The following DMD variants were observed in gnomAD, a reference collection of about 807,000 sequenced individuals.
DMD encodes mutant dystrophin.
In DMD, 63 loss-of-function variants were observed where a neutral mutation model predicts 330.1. That is an observed-to-expected ratio of 0.19 (90% confidence interval 0.16 to 0.24). The LOEUF (loss-of-function observed/expected upper bound fraction) is 0.24. Ranked by LOEUF, DMD falls within the 10% of genes least tolerant of loss-of-function variation. The pLI is 1.00. For synonymous variants in DMD, 1,223 were observed against 959.8 expected, an observed-to-expected ratio of 1.27 and a Z score of -5.07; for missense variants, 3,344 against 2,684.1, an observed-to-expected ratio of 1.25 and a Z score of -5.43.
intron 73 of DMD, 96 bp downstream of exon 73, chrX:31,172,252 G>C: frequency 1.6e-6 from 1 of 623,212 alleles, no homozygotes; most frequent in East Asian, 3.4e-5. Flanking sequence ...AAATGAATAT[G>C]ATGCTAATTC....
intron 62 of DMD, among the ~76,000 whole-genome samples, chrX:31,311,146 T>G (rs779307305): frequency 9.0e-6 from 1 of 110,771 alleles, no homozygotes; most frequent in Non-Finnish European, 1.9e-5. Context: ...AGCTCAAGGC[T>G]TGGGAGAAAT....
At chrX:31,877,162 C>T (rs1013212457) in intron 47 of DMD, among the ~76,000 whole-genome samples, 1 of 111,859 alleles carries the variant, frequency 8.9e-6, no homozygotes, top group African/African-American at 3.2e-5. Flanking sequence ...AGATTGTATA[C>T]GTAAACAATA....
intron 7 of DMD, among the ~76,000 whole-genome samples, chrX:32,772,933 A>G (rs1244032093): frequency 1.8e-5 from 2 of 112,165 alleles, no homozygotes; most frequent in Non-Finnish European, 3.8e-5. Flanking sequence ...AGATAACACC[A>G]CAGACTGTCA....
intron 1 of DMD, among the ~76,000 whole-genome samples, chrX:33,177,454 G>A (rs932763564): frequency 1.8e-5 from 2 of 111,405 alleles, no homozygotes; most frequent in African/African-American, 6.5e-5. Flanking sequence ...GTGCAATCTC[G>A]GCTCACTGCA....
intron 21 of DMD, among the ~76,000 whole-genome samples, chrX:32,473,135 G>A (rs1289535439): frequency 9.0e-6 from 1 of 111,192 alleles, no homozygotes; most frequent in Non-Finnish European, 1.9e-5. Flanking sequence ...GATTGAGAAC[G>A]CTGCAGAGAA....
chrX:31,324,386 T>A (rs2056627068), intron 61 of DMD, among the ~76,000 whole-genome samples: 1 of 99,415 alleles, frequency 1.0e-5, no homozygotes, highest in Non-Finnish European at 2.0e-5. Flanking sequence ...TGAATGATCT[T>A]TGCATTGTTT....
At chrX:32,793,970 C>A (rs1234640331) in intron 7 of DMD, among the ~76,000 whole-genome samples, 1 of 111,430 alleles carries the variant, frequency 9.0e-6, no homozygotes, top group East Asian at 2.8e-4. Context: ...CTGATGAACA[C>A]TGATGTAGAA....
chrX:32,131,224 T>C (rs1213045680), intron 44 of DMD, among the ~76,000 whole-genome samples: 1 of 112,100 alleles, frequency 8.9e-6, no homozygotes, highest in East Asian at 2.8e-4. Flanking sequence ...AAAATTGTTA[T>C]TTTTTAACAT....
intron 43 of DMD, among the ~76,000 whole-genome samples, chrX:32,224,097 A>C (rs2097140065): frequency 9.0e-6 from 1 of 111,412 alleles, no homozygotes. Context: ...CTTTATAATT[A>C]TGAATACACA....
intron 12 of DMD, among the ~76,000 whole-genome samples, chrX:32,610,550 C>T (rs1329065021): frequency 2.7e-5 from 3 of 111,308 alleles, no homozygotes; most frequent in Non-Finnish European, 5.7e-5. Flanking sequence ...TCACAGTGTA[C>T]TTGCAAGATT....
At chrX:33,146,629 C>T (rs1006180123) in intron 1 of DMD, among the ~76,000 whole-genome samples, 1 of 110,349 alleles carries the variant, frequency 9.1e-6, no homozygotes, top group African/African-American at 3.3e-5. Context: ...TTCAGTCTTC[C>T]TGTGTTTGCC....
At chrX:32,902,288 C>A in intron 2 of DMD, among the ~76,000 whole-genome samples, 1 of 109,144 alleles carries the variant, frequency 9.2e-6, no homozygotes, top group East Asian at 2.9e-4. Flanking sequence ...TAAAAATTTA[C>A]AAAGTGTTTC....
At chrX:31,326,007 C>T (rs1352848088) in intron 61 of DMD, among the ~76,000 whole-genome samples, 1 of 106,707 alleles carries the variant, frequency 9.4e-6, no homozygotes, top group Non-Finnish European at 1.9e-5. Context: ...TTGGAGGATG[C>T]TAGACCATCC....
intron 1 of DMD, among the ~76,000 whole-genome samples, chrX:33,303,927 A>G (rs1053992186): frequency 1.8e-5 from 2 of 111,866 alleles, no homozygotes; most frequent in African/African-American, 3.2e-5. Context: ...ATCATTTCAA[A>G]TTTATTTAAT....
intron 41 of DMD, among the ~76,000 whole-genome samples, chrX:32,320,229 A>T (rs1216391687): frequency 9.0e-6 from 1 of 110,986 alleles, no homozygotes; most frequent in Non-Finnish European, 1.9e-5. Flanking sequence ...AAATGTGGAC[A>T]CTATCTCTAG....
At chrX:33,112,363 A>C (rs1185549049) in intron 1 of DMD, among the ~76,000 whole-genome samples, 1 of 111,602 alleles carries the variant, frequency 9.0e-6, no homozygotes, top group African/African-American at 3.3e-5. Flanking sequence ...GTATCCCTAC[A>C]GATAAGGGGA....
At chrX:31,472,661 T>C (rs1364170439) in intron 59 of DMD, among the ~76,000 whole-genome samples, 2 of 112,279 alleles carry the variant, frequency 1.8e-5, no homozygotes, top group Admixed American at 1.9e-4. Flanking sequence ...AAAGGTGGAT[T>C]TGCCAGTTTT....
chrX:32,586,842 G>A (rs146737004), intron 13 of DMD, among the ~76,000 whole-genome samples: 2,392 of 110,307 alleles, frequency 0.022, 27 homozygotes, highest in Middle Eastern at 0.037. Context: ...ATATAGGGTT[G>A]GCATTACATA....
intron 29 of DMD, among the ~76,000 whole-genome samples, chrX:32,414,401 G>A (rs765845600): frequency 3.6e-5 from 4 of 111,585 alleles, no homozygotes; most frequent in Non-Finnish European, 3.8e-5. Context: ...AATATGTTAC[G>A]GGATGGCTAA....
Sources: gnomAD v4.1 joint callset for allele counts (sites outside exome capture counted in the v4.1 genomes callset) on GRCh38, gnomAD v4.1.1 for gene constraint, MANE v1.5 for transcripts, NCBI Gene and HGNC (gene_info 2026-07-23, HGNC 2026-07-21) for gene names.